The following UNC5D variants were observed in gnomAD, a reference collection of about 807,000 sequenced individuals.
UNC5D encodes unc-5 netrin receptor D.
UNC5D carries 39 observed loss-of-function variants against 105.4 expected under a neutral mutation model. The ratio of observed to expected loss-of-function variants is 0.37; its 90% CI spans 0.29 to 0.48. The LOEUF is 0.48. Ranked by LOEUF, UNC5D falls within the 20% of genes least tolerant of loss-of-function variation. The pLI is 0.98. For missense variants in UNC5D, 991 were observed against 1,202.4 expected (o/e 0.82, Z 2.60); for synonymous variants, 452 against 450.4 (o/e 1.00, Z -0.04).
intron 8 of UNC5D, among the ~76,000 whole-genome samples, chr8:35,711,969 T>C (rs2131488576): frequency 6.6e-6 from 1 of 152,284 alleles, no homozygotes; most frequent in African/African-American, 2.4e-5. Flanking sequence ...TGCTAACTTC[T>C]CACTGGACCT....
intron 1 of UNC5D, among the ~76,000 whole-genome samples, chr8:35,267,434 T>TTTG (rs968714539): frequency 6.6e-6 from 1 of 152,026 alleles, no homozygotes; most frequent in African/African-American, 2.4e-5. Flanking sequence ...ACCATGAATA[T>TTTG]TTGTTGTTGT....
At chr8:35,548,671 G>A (rs937025303) in intron 1 of UNC5D, among the ~76,000 whole-genome samples, 7 of 152,206 alleles carry the variant, frequency 4.6e-5, no homozygotes, top group African/African-American at 1.4e-4. Context: ...ACCAGCGGAA[G>A]GTTGCTGGGG....
intron 1 of UNC5D, among the ~76,000 whole-genome samples, chr8:35,477,500 G>A (rs907143076): frequency 6.6e-6 from 1 of 151,912 alleles, no homozygotes; most frequent in African/African-American, 2.4e-5. Flanking sequence ...AGATGCAACT[G>A]CTGATTATGC....
chr8:35,601,281 G>C (rs1177471791), intron 4 of UNC5D, among the ~76,000 whole-genome samples: 2 of 152,020 alleles, frequency 1.3e-5, no homozygotes, highest in African/African-American at 4.8e-5. Context: ...TTGGCAATGT[G>C]GGCTCTTTTT....
At chr8:35,454,089 C>T (rs1042117104) in intron 1 of UNC5D, among the ~76,000 whole-genome samples, 1 of 152,142 alleles carries the variant, frequency 6.6e-6, no homozygotes, top group African/African-American at 2.4e-5. Flanking sequence ...TGTGATCTAA[C>T]GTGTAATCTA....
At chr8:35,511,368 G>A (rs1354024943) in intron 1 of UNC5D, among the ~76,000 whole-genome samples, 1 of 150,914 alleles carries the variant, frequency 6.6e-6, no homozygotes, top group Non-Finnish European at 1.5e-5. Flanking sequence ...GTGCAGTGGT[G>A]TGTTTCTATA....
intron 1 of UNC5D, among the ~76,000 whole-genome samples, chr8:35,445,902 A>T (rs1807754517): frequency 6.6e-6 from 1 of 152,102 alleles, no homozygotes; most frequent in Non-Finnish European, 1.5e-5. Flanking sequence ...AAAAGTTTAA[A>T]ACTGAAAATT....
intron 1 of UNC5D, among the ~76,000 whole-genome samples, chr8:35,482,176 C>A (rs1810524051): frequency 6.6e-6 from 1 of 152,064 alleles, no homozygotes; most frequent in Non-Finnish European, 1.5e-5. Context: ...CTTTTAATAC[C>A]CACATCATAT....
At chr8:35,722,177 C>A in intron 8 of UNC5D, 33 bp from the exon 9 acceptor site, 2 of 1,603,042 alleles carry the variant, frequency 1.2e-6, no homozygotes, top group Non-Finnish European at 1.7e-6. Flanking sequence ...TGTGCCCATG[C>A]TGGTCACTTA....
chr8:35,679,512 G>A (rs773187893), intron 4 of UNC5D, among the ~76,000 whole-genome samples: 1 of 152,116 alleles, frequency 6.6e-6, no homozygotes, highest in Non-Finnish European at 1.5e-5. Flanking sequence ...GGGCATGAAG[G>A]AGTACAGCAT....
intron 1 of UNC5D, among the ~76,000 whole-genome samples, chr8:35,327,153 G>T (rs1454824324): frequency 6.6e-6 from 1 of 152,144 alleles, no homozygotes; most frequent in Non-Finnish European, 1.5e-5. Flanking sequence ...GTTAAAATTA[G>T]ATGCCCACTG....
intron 1 of UNC5D, among the ~76,000 whole-genome samples, chr8:35,533,706 G>T (rs1405159045): frequency 6.6e-6 from 1 of 152,194 alleles, no homozygotes; most frequent in Non-Finnish European, 1.5e-5. Context: ...GAGATTCCGT[G>T]GGCGTAGGAC....
chr8:35,236,001 G>A (rs1197138281), intron 1 of UNC5D, 114 bp downstream of exon 1: 1 of 954,912 alleles, frequency 1.0e-6, no homozygotes, highest in African/African-American at 1.7e-5. Flanking sequence ...GCACCTCGGC[G>A]CTCCAAGCCC....
At chr8:35,565,055 A>G (rs1196206814) in intron 2 of UNC5D, among the ~76,000 whole-genome samples, 4 of 152,254 alleles carry the variant, frequency 2.6e-5, no homozygotes, top group African/African-American at 9.6e-5. Flanking sequence ...ATAAACATAC[A>G]AATTCAGGTA....
intron 1 of UNC5D, chr8:35,525,731 A>C: frequency 6.3e-7 from 1 of 1,583,768 alleles, no homozygotes; most frequent in South Asian, 1.1e-5. Flanking sequence ...CCTGGCTCCC[A>C]ACGCTGAAGT....
chr8:35,740,385 G>A (rs1302043831), intron 11 of UNC5D, among the ~76,000 whole-genome samples: 1 of 152,184 alleles, frequency 6.6e-6, no homozygotes, highest in Non-Finnish European at 1.5e-5. Flanking sequence ...AAGGGGCCTT[G>A]AGCCAAGGAA....
chr8:35,347,244 C>G (rs967125317), intron 1 of UNC5D, among the ~76,000 whole-genome samples: 1 of 151,980 alleles, frequency 6.6e-6, no homozygotes, highest in Admixed American at 6.6e-5. Flanking sequence ...CAGACTCTGG[C>G]TCCATGAGCC....
chr8:35,628,493 A>T (rs1398558904), intron 4 of UNC5D, among the ~76,000 whole-genome samples: 1 of 152,194 alleles, frequency 6.6e-6, no homozygotes, highest in African/African-American at 2.4e-5. Context: ...GCTTTTAAAG[A>T]TGTTCATGTA....
intron 1 of UNC5D, among the ~76,000 whole-genome samples, chr8:35,272,286 G>T (rs140847859): frequency 1.3e-5 from 2 of 152,100 alleles, no homozygotes; most frequent in African/African-American, 4.8e-5. Flanking sequence ...AGAATTTTCC[G>T]TTTTAAATGA....
Sources: gnomAD v4.1 joint callset for allele counts (sites outside exome capture counted in the v4.1 genomes callset) on GRCh38, gnomAD v4.1.1 for gene constraint, MANE v1.5 for transcripts, NCBI Gene and HGNC (gene_info 2026-07-23, HGNC 2026-07-21) for gene names.